Variants in SYT2 observed in about 807,000 individuals in gnomAD.
The protein encoded by SYT2 is synaptotagmin 2, also known as synaptotagmin-2.
In SYT2, 15 loss-of-function variants were observed where a neutral mutation model predicts 39.9. The observed-to-expected ratio is 0.38, with a 90% CI of 0.25 to 0.58. The LOEUF is 0.58. Ranked by LOEUF, SYT2 falls within the 20% of genes least tolerant of loss-of-function variation. The pLI is 0.70. For missense variants in SYT2, 389 were observed against 530.3 expected (o/e 0.73, Z 2.62); for synonymous variants, 181 against 204.5 (o/e 0.89, Z 0.98).
At chr1:202,603,225 C>G in intron 3 of SYT2, 107 bp from the exon 4 acceptor site, 1 of 1,462,876 alleles carries the variant, frequency 6.8e-7, no homozygotes, top group South Asian at 1.3e-5. Flanking sequence ...GACCCTGACT[C>G]AGAGCTGTGT....
Position 202,682,531 on chromosome 1 carries a change from C to G in SYT2, c.-18+27727G>C, listed in dbSNP as rs574328129. ...AGAAGAAGTGTGATTTAATCTGAAC[C>G]TTAAAGGGGGTGGCTTGAATCAGCA... is the stretch of plus-strand genomic sequence containing the variant. On this transcript the variant is annotated intron_variant, in intron 1 of 8. Transcript: ENST00000367268. 3.9e-5 allele frequency among the ~76,000 whole-genome samples: 6 copies of G among 152,206 alleles called. 1 individual carries two copies. The South Asian group carries it at 1.2e-3, about 32-fold the overall frequency.
At chr1:202,630,930 T>C (rs748021739) in intron 1 of SYT2, among the ~76,000 whole-genome samples, 1 of 152,190 alleles carries the variant, frequency 6.6e-6, no homozygotes, top group Non-Finnish European at 1.5e-5. Flanking sequence ...ATATGACCAC[T>C]GGTGACAAAC....
At chr1:202,640,950 T>C (rs1159373826) in intron 1 of SYT2, among the ~76,000 whole-genome samples, 1 of 152,210 alleles carries the variant, frequency 6.6e-6, no homozygotes, top group Non-Finnish European at 1.5e-5. Context: ...ACCTGCTTGC[T>C]ACGCAGCTTG....
intron 1 of SYT2, among the ~76,000 whole-genome samples, chr1:202,702,029 C>A (rs907653926): frequency 6.6e-6 from 1 of 152,168 alleles, no homozygotes; most frequent in Non-Finnish European, 1.5e-5. Context: ...CTGCCCCTTC[C>A]CCATTGCCTC....
In SYT2 at chr1:202,592,997, A is replaced by C. The variant is rs1020010292; in HGVS notation, c.*3760T>G. ...TTTTTATTTGCCAAATCTGGCAACC[A>C]TAGCATGGGGCTCAGGGCCACCAGG... On this transcript the variant is annotated 3_prime_UTR_variant, in exon 9 of 9. Coordinates refer to ENST00000367268, the MANE Select transcript of SYT2 (RefSeq NM_177402.5). 6.6e-6 allele frequency: 1 copy of C among 152,224 alleles called. No individual in the cohort carries two copies. Among genetic ancestry groups the C allele is most frequent in the African/African-American group, 2.4e-5 (1 of 41,460 alleles). The allele number at this position is 152,224 out of a possible 1,614,324, so 9.4% of individuals were successfully genotyped here. A position where few individuals can be genotyped will look rare whatever the true frequency, so the allele number is the denominator to read the frequency against.
In SYT2 at chr1:202,619,736, G is replaced by A. The variant is rs149828006; in HGVS notation, c.-17-13947C>T. On this transcript the variant is annotated intron_variant, in intron 1 of 8. Coordinates refer to ENST00000367268, the MANE Select transcript of SYT2 (RefSeq NM_177402.5). ...GCCAGAGAGGTCAAAGTCCAAGCCC[G>A]GTTGCTGGAAGTAAAATAAGCCTCA... Among the ~76,000 whole-genome samples, 27 of 152,278 alleles carry A rather than the reference G, an allele frequency of 1.8e-4. No homozygotes were observed. The East Asian group carries it at 2.1e-3, about 12-fold the overall frequency.
intron 1 of SYT2, chr1:202,632,208 G>T (rs1691614234): frequency 2.0e-6 from 1 of 494,272 alleles, no homozygotes. Context: ...GCCAAGTCTG[G>T]GCCCAGAAGG....
At chr1:202,685,212 G>A (rs1653631712) in intron 1 of SYT2, among the ~76,000 whole-genome samples, 1 of 152,252 alleles carries the variant, frequency 6.6e-6, no homozygotes, top group African/African-American at 2.4e-5. Flanking sequence ...CACCTGGCTG[G>A]TATTCATCAT....
intron 1 of SYT2, among the ~76,000 whole-genome samples, chr1:202,630,072 C>CGAA (rs1403243880): frequency 6.6e-6 from 1 of 151,860 alleles, no homozygotes; most frequent in African/African-American, 2.4e-5. Context: ...AGGAAAGCTC[C>CGAA]GAAGAACAGA....
chr1:202,663,493 G>A (rs1692425089), intron 1 of SYT2, among the ~76,000 whole-genome samples: 1 of 152,162 alleles, frequency 6.6e-6, no homozygotes, highest in Non-Finnish European at 1.5e-5. Flanking sequence ...CAGCACCGTT[G>A]TGTTTCTGTT....
At chr1:202,620,031 G>A (rs373914656) in intron 1 of SYT2, among the ~76,000 whole-genome samples, 62 of 152,362 alleles carry the variant, frequency 4.1e-4, no homozygotes, top group African/African-American at 1.4e-3. Context: ...CTGCTCAGGA[G>A]CAAGGTAGGG....
At chr1:202,707,578 C>A (rs1339037136) in intron 1 of SYT2, among the ~76,000 whole-genome samples, 1 of 152,182 alleles carries the variant, frequency 6.6e-6, no homozygotes, top group Non-Finnish European at 1.5e-5. Flanking sequence ...CACGAGGATG[C>A]TTCTGTCCAG....
At chr1:202,629,248 G>A (rs1691501327) in intron 1 of SYT2, among the ~76,000 whole-genome samples, 1 of 152,072 alleles carries the variant, frequency 6.6e-6, no homozygotes, top group Non-Finnish European at 1.5e-5. Context: ...CCTTCTTGAT[G>A]CCCACCTCTG....
intron 1 of SYT2, among the ~76,000 whole-genome samples, chr1:202,621,649 C>T (rs1035536375): frequency 5.3e-5 from 8 of 152,210 alleles, no homozygotes; most frequent in Admixed American, 2.6e-4. Flanking sequence ...TTGTGTAGCT[C>T]ACCCAGAAAT....
In SYT2 at chr1:202,623,942, A is replaced by G. The variant is rs920120951; in HGVS notation, c.-17-18153T>C. Among the ~76,000 whole-genome samples, 3 of 152,202 alleles carry G rather than the reference A, an allele frequency of 2.0e-5. No individual in the cohort carries two copies. The highest frequency in any genetic ancestry group is 2.9e-5 in the Non-Finnish European group (2 of 68,030). ...CACAGCACCTTCCAGCACAGTCCCGATATCTTTCATGCCAGATGCACATCT... is the reference window on the plus strand; with the variant it reads ...CACAGCACCTTCCAGCACAGTCCCGGTATCTTTCATGCCAGATGCACATCT... On this transcript the variant is annotated intron_variant, in intron 1 of 8. Transcript: ENST00000367268. This position sits in a 1 kb window ranked among gnomAD's most constrained non-coding sequence, Gnocchi z 4.2.
At chr1:202,598,379 A>C (rs1206866149) in intron 8 of SYT2, among the ~76,000 whole-genome samples, 1 of 152,176 alleles carries the variant, frequency 6.6e-6, no homozygotes, top group Non-Finnish European at 1.5e-5. Flanking sequence ...AATTCTCTGT[A>C]ATGAGGACTT....
At chr1:202,661,306 G>C (rs891323140) in intron 1 of SYT2, among the ~76,000 whole-genome samples, 5 of 151,830 alleles carry the variant, frequency 3.3e-5, no homozygotes, top group Non-Finnish European at 7.4e-5. Context: ...GTTATCACTT[G>C]CCACCTACTG....
intron 1 of SYT2, among the ~76,000 whole-genome samples, chr1:202,666,865 C>T (rs1170610132): frequency 6.6e-6 from 1 of 152,052 alleles, no homozygotes. Context: ...GCCTGTGATC[C>T]CAGGTACTCA....
chr1:202,620,466 C>CT lies in SYT2; in HGVS notation c.-17-14678dup, dbSNP rs61586557. Among the ~76,000 whole-genome samples, 183 of 147,876 alleles carry CT rather than the reference C, an allele frequency of 1.2e-3. No homozygotes were observed. The East Asian group carries it at 0.018, about 14-fold the overall frequency. ...TGGTTGGCTTATCCTTTATCTTATC[C>CT]TTTTTTTTTTTCTATCATGTAGAGA... On this transcript the variant is annotated intron_variant, in intron 1 of 8. Transcript: ENST00000367268.
Sources: gnomAD v4.1 joint callset for allele counts (sites outside exome capture counted in the v4.1 genomes callset) on GRCh38, gnomAD v4.1.1 for gene constraint, Gnocchi (gnomAD v3.1) non-coding constraint, MANE v1.5 for transcripts, NCBI Gene and HGNC (gene_info 2026-07-23, HGNC 2026-07-21) for gene names.